The following MYL11 variants were observed in gnomAD, a reference collection of about 807,000 sequenced individuals.
MYL11 encodes myosin regulatory light chain 11.
chr16:30,376,274 T>C, the MYL11 span: 1 of 1,596,484 alleles, frequency 6.3e-7, no homozygotes, highest in South Asian at 1.1e-5. Flanking sequence ...TCTAGGAAAT[T>C]CAGTGGCCTT....
chr16:30,373,079 G>A, the MYL11 span: 14,105 of 152,126 alleles, frequency 0.093, 1,748 homozygotes, highest in African/African-American at 0.28. Flanking sequence ...TGTGGGATGG[G>A]AACTACATCT....
chr16:30,376,017 C>T, the MYL11 span: 1 of 1,487,480 alleles, frequency 6.7e-7, no homozygotes, highest in Non-Finnish European at 9.3e-7. Context: ...TTTAGAATTC[C>T]TTCCTCCCCT....
chr16:30,373,197 C>T, the MYL11 span, among the ~76,000 whole-genome samples: 1 of 152,200 alleles, frequency 6.6e-6, no homozygotes, highest in African/African-American at 2.4e-5. Flanking sequence ...GCCTGTAATC[C>T]CAGCACTTTG....
the MYL11 span, among the ~76,000 whole-genome samples, chr16:30,374,027 C>T: frequency 6.6e-6 from 1 of 151,644 alleles, no homozygotes; most frequent in Non-Finnish European, 1.5e-5. Flanking sequence ...AAAATAGAGA[C>T]GGGGGCCAGG....
the MYL11 span, among the ~76,000 whole-genome samples, chr16:30,371,416 C>A: frequency 6.6e-6 from 1 of 152,138 alleles, no homozygotes; most frequent in Non-Finnish European, 1.5e-5. Flanking sequence ...TCATCCTTTA[C>A]TCTATAATTC....
the MYL11 span, chr16:30,377,560 G>A: frequency 1.7e-5 from 22 of 1,321,220 alleles, no homozygotes; most frequent in Admixed American, 3.0e-5. Context: ...TGGGTTTTCA[G>A]GGGAGGCTGG....
the MYL11 span, chr16:30,375,995 G>C: frequency 1.3e-6 from 2 of 1,519,462 alleles, no homozygotes; most frequent in African/African-American, 2.7e-5. Flanking sequence ...CCTGCTTGAA[G>C]GAGGGGAAAG....
chr16:30,376,411 A>C, the MYL11 span: 1 of 1,608,914 alleles, frequency 6.2e-7, no homozygotes, highest in Non-Finnish European at 8.5e-7. Context: ...TGCTTCCCCC[A>C]ACCCCCTCCA....
chr16:30,375,668 C>A, the MYL11 span: 1 of 635,990 alleles, frequency 1.6e-6, no homozygotes. Flanking sequence ...AAAGCAAGCC[C>A]CCTCAGCAAA....
chr16:30,377,549 C>G, the MYL11 span: 7 of 1,243,196 alleles, frequency 5.6e-6, no homozygotes, highest in South Asian at 1.2e-4. Context: ...GTAGAGTGAC[C>G]TGGGTTTTCA....
At chr16:30,376,090 G>A in the MYL11 span, 1 of 1,586,466 alleles carries the variant, frequency 6.3e-7, no homozygotes, top group South Asian at 1.1e-5. Flanking sequence ...CTGGGGTAGG[G>A]ATGCTGAGGC....
the MYL11 span, chr16:30,376,246 A>G: frequency 2.5e-6 from 4 of 1,611,240 alleles, no homozygotes; most frequent in Non-Finnish European, 3.4e-6. Context: ...CCAGGTGGGA[A>G]TATTCAAGGC....
the MYL11 span, chr16:30,377,583 G>C: frequency 7.3e-7 from 1 of 1,378,004 alleles, no homozygotes; most frequent in African/African-American, 1.4e-5. Context: ...CTGGCATCGG[G>C]GATGAGGTGC....
At chr16:30,374,078 C>G in the MYL11 span, among the ~76,000 whole-genome samples, 2 of 151,966 alleles carry the variant, frequency 1.3e-5, no homozygotes, top group Non-Finnish European at 2.9e-5. Context: ...TTTGGGAGGC[C>G]TAGGTGGATG....
chr16:30,375,940 G>A, the MYL11 span: 5 of 1,609,700 alleles, frequency 3.1e-6, no homozygotes, highest in African/African-American at 1.3e-5. Flanking sequence ...GAAACTGGAA[G>A]GCTGACCAAA....
the MYL11 span, chr16:30,375,681 G>A: frequency 1.5e-6 from 1 of 669,670 alleles, no homozygotes; most frequent in Non-Finnish European, 2.6e-6. Context: ...TCAGCAAAGA[G>A]GTCCCAAGGA....
At chr16:30,374,733 A>C in the MYL11 span, 40 of 1,298,010 alleles carry the variant, frequency 3.1e-5, 1 homozygote, top group South Asian at 5.2e-4. Context: ...CGCAGGGCTA[A>C]GGTTACCTTG....
the MYL11 span, among the ~76,000 whole-genome samples, chr16:30,373,787 GA>G: frequency 7.4e-5 from 11 of 148,940 alleles, no homozygotes; most frequent in South Asian, 1.9e-3. Context: ...AGAAAGAAAA[GA>G]AAAAAAAATT....
chr16:30,375,973 C>G, the MYL11 span: 2 of 1,562,430 alleles, frequency 1.3e-6, no homozygotes, highest in East Asian at 2.3e-5. Flanking sequence ...GGCCCTCTCC[C>G]TGGAATGTGC....
Sources: gnomAD v4.1 joint callset for allele counts (sites outside exome capture counted in the v4.1 genomes callset) on GRCh38, gnomAD v4.1.1 for gene constraint, MANE v1.5 for transcripts, NCBI Gene and HGNC (gene_info 2026-07-23, HGNC 2026-07-21) for gene names.